The following MCPH1 variants were observed in gnomAD, a reference collection of about 807,000 sequenced individuals.
MCPH1 encodes the protein microcephalin.
In MCPH1, 104 loss-of-function variants were observed where a neutral mutation model predicts 84.5. The ratio of observed to expected loss-of-function variants is 1.23; its 90% CI spans 1.05 to 1.45. MCPH1 has a LOEUF of 1.45. MCPH1 is among the 40% of genes most tolerant of loss of function. MCPH1 has a pLI of 0.00. For missense variants in MCPH1, 1,498 were observed against 1,005.7 expected (o/e 1.49, Z -6.62); for synonymous variants, 514 against 366.8 (o/e 1.40, Z -4.58).
chr8:6,479,618 G>C (rs574894907), intron 10 of MCPH1, among the ~76,000 whole-genome samples: 1 of 151,848 alleles, frequency 6.6e-6, no homozygotes, highest in South Asian at 2.1e-4. Flanking sequence ...TGTTTTTTTA[G>C]TAGAGACAGC....
chr8:6,445,171 T>A lies in MCPH1; in HGVS notation c.1449T>A (p.Ser483Arg). 1.2e-6 allele frequency: 2 copies of A among 1,614,152 alleles called. No individual in the cohort carries two copies. The highest frequency in any genetic ancestry group is 2.7e-5 in the African/African-American group (2 of 75,034). ...ITNFTAKTIS[S>R]PRKTGNGEGR... ...ATTTCACAGCAAAAACCATCTCCAG[T>A]CCTCGGAAAACTGGAAATGGTGAAG... Residue 483 changes from serine (S) to arginine (R), a missense_variant, in exon 8 of 14, where the codon AGT (serine) becomes AGA (arginine). Transcript: ENST00000344683.
chr8:6,577,360 C>T (rs116747599), intron 12 of MCPH1, among the ~76,000 whole-genome samples: 1 of 152,208 alleles, frequency 6.6e-6, no homozygotes, highest in African/African-American at 2.4e-5. Context: ...AGGTCAGCAG[C>T]TCCACATAGA....
Position 6,505,436 on chromosome 8 carries a change from A to T in MCPH1, c.2214+5507A>T. 2.5e-5 allele frequency among the ~76,000 whole-genome samples: 2 copies of T among 80,456 alleles called. 1 individual carries two copies. The highest frequency in any genetic ancestry group is 7.2e-4 in the South Asian group (2 of 2,772). 52.8% of individuals were successfully genotyped at this position (80,456 alleles called of 152,430 possible). On this transcript the variant is annotated intron_variant, in intron 12 of 13. Transcript: ENST00000344683. ...CTTTATATACATAAAGAATATATAT[A>T]TTCTTTATATACATATAGAATATAT...
intron 6 of MCPH1, among the ~76,000 whole-genome samples, chr8:6,441,590 C>T (rs1474997212): frequency 1.3e-5 from 2 of 152,194 alleles, no homozygotes; most frequent in East Asian, 3.9e-4. Context: ...GATTTCTCAA[C>T]CCAGCACAGC....
chr8:6,512,671 C>T (rs904284496), intron 12 of MCPH1, among the ~76,000 whole-genome samples: 4 of 152,306 alleles, frequency 2.6e-5, no homozygotes, highest in East Asian at 1.9e-4. Context: ...GTGGCTTCAC[C>T]GTACTTATCT....
At chr8:6,524,219 G>T (rs1817920352) in intron 12 of MCPH1, among the ~76,000 whole-genome samples, 1 of 152,110 alleles carries the variant, frequency 6.6e-6, no homozygotes, top group African/African-American at 2.4e-5. Flanking sequence ...TCCCGTATAA[G>T]TCAGCTGTCT....
chr8:6,426,505 G>T (rs764280842), intron 3 of MCPH1, among the ~76,000 whole-genome samples: 1 of 152,226 alleles, frequency 6.6e-6, no homozygotes. Flanking sequence ...TGTCCGTGTT[G>T]TTTGTAGCAG....
In MCPH1 at chr8:6,445,438, C is replaced by A; in HGVS notation, c.1716C>A (p.Asn572Lys). 2 of 1,614,242 alleles carry A rather than the reference C, an allele frequency of 1.2e-6. No individual in the cohort carries two copies. Among genetic ancestry groups the A allele is most frequent in the East Asian group, 4.5e-5 (2 of 44,888 alleles). The change falls in exon 8 of 14, where the codon AAC (asparagine) becomes AAA (lysine). Residue 572 changes from asparagine to lysine, a missense_variant. Transcript: ENST00000344683. ...AAGGTACCACTTCCAAAATATCAAA[C>A]TCCTCTGAAGGCGAAGCCCAGAGTG... is the stretch of plus-strand genomic sequence containing the variant. ...QNKGTTSKIS[N>K]SSEGEAQSEH...
In MCPH1 at chr8:6,556,219, C is replaced by T. The variant is rs1168894402; in HGVS notation, c.2214+56290C>T. Among the ~76,000 whole-genome samples, 20 of 152,018 alleles carry T rather than the reference C, an allele frequency of 1.3e-4. 1 individual carries two copies. Among genetic ancestry groups the T allele is most frequent in the Admixed American group, 1.2e-3 (19 of 15,278 alleles). On this transcript the variant is annotated intron_variant, in intron 12 of 13. Transcript: ENST00000344683. Reference sequence around the variant, plus strand: ...AATATGTACTATATAATAAGTACTACAGCATATACAGTGTTTACATACATA... The same window carrying T: ...AATATGTACTATATAATAAGTACTATAGCATATACAGTGTTTACATACATA...
chr8:6,447,299 G>C, intron 8 of MCPH1: 2 of 985,288 alleles, frequency 2.0e-6, no homozygotes, highest in Non-Finnish European at 2.4e-6. Flanking sequence ...TTCAATGTCA[G>C]GGATGCACAC....
At position 6,571,669 on chromosome 8, in the gene MCPH1, G is replaced by T. The variant is rs181571673; in HGVS notation, c.2215-49785G>T. The stretch of plus-strand genomic sequence containing the variant: ...TACATTAAGATATATTATCTCTCTT[G>T]GTTATAGGTTAAGATAAATAAAATT... On this transcript the variant is annotated intron_variant, in intron 12 of 13. Coordinates refer to ENST00000344683, the MANE Select transcript of MCPH1 (RefSeq NM_024596.5). Among the ~76,000 whole-genome samples, 83 of 152,064 alleles carry T rather than the reference G, an allele frequency of 5.5e-4. 1 individual carries two copies. Among genetic ancestry groups the T allele is most frequent in the African/African-American group, 1.9e-3 (77 of 41,492 alleles).
intron 13 of MCPH1, chr8:6,624,871 A>ATAC (rs1831895254): frequency 3.1e-6 from 3 of 981,668 alleles, no homozygotes; most frequent in Non-Finnish European, 3.6e-6. Context: ...AACAAATCAT[A>ATAC]TACTTTTTTT....
chr8:6,610,898 ACAAAATTGAAACTTGGGACTTTTGAACTG>A (rs1469038172), intron 12 of MCPH1, among the ~76,000 whole-genome samples: 1 of 152,008 alleles, frequency 6.6e-6, no homozygotes, highest in East Asian at 1.9e-4. Flanking sequence ...GTTTCATATT[ACAAAATTGAAACTTGGGACTTTTGAACTG>A]CAAATTTAGC....
At chr8:6,480,972 A>G (rs1809152524) in intron 11 of MCPH1, 96 bp downstream of exon 11, 1 of 1,387,776 alleles carries the variant, frequency 7.2e-7, no homozygotes, top group East Asian at 2.3e-5. Flanking sequence ...GCCGGCGTGC[A>G]CCCTTGTGGA....
intron 12 of MCPH1, among the ~76,000 whole-genome samples, chr8:6,600,048 A>G (rs1829240156): frequency 2.0e-5 from 3 of 152,276 alleles, no homozygotes; most frequent in Admixed American, 1.3e-4. Flanking sequence ...TTTTCCCCAC[A>G]GGAGCTGGTT....
chr8:6,605,310 C>T (rs568725326), intron 12 of MCPH1, among the ~76,000 whole-genome samples: 6 of 152,284 alleles, frequency 3.9e-5, no homozygotes, highest in African/African-American at 9.6e-5. Flanking sequence ...TACTCCTGTT[C>T]GCTTGGGACT....
At chr8:6,531,890 G>C (rs955334143) in intron 12 of MCPH1, among the ~76,000 whole-genome samples, 1 of 152,186 alleles carries the variant, frequency 6.6e-6, no homozygotes, top group Non-Finnish European at 1.5e-5. Flanking sequence ...GTTAGCTGTT[G>C]AGATTCAGGT....
At chr8:6,409,020 G>T (rs1798158605) in intron 1 of MCPH1, among the ~76,000 whole-genome samples, 1 of 152,080 alleles carries the variant, frequency 6.6e-6, no homozygotes, top group Non-Finnish European at 1.5e-5. Context: ...CAGTAGCTGG[G>T]ATTACAGGTG....
intron 2 of MCPH1, among the ~76,000 whole-genome samples, chr8:6,412,480 G>T (rs1014271245): frequency 2.6e-5 from 4 of 152,158 alleles, no homozygotes; most frequent in African/African-American, 9.7e-5. Context: ...TGTAGTACTC[G>T]TAATCCGGGA....
Sources: gnomAD v4.1 joint callset for allele counts (sites outside exome capture counted in the v4.1 genomes callset) on GRCh38, gnomAD v4.1.1 for gene constraint, MANE v1.5 for transcripts, NCBI Gene and HGNC (gene_info 2026-07-23, HGNC 2026-07-21) for gene names.